HLCS: variants seen among roughly 807,000 people sequenced by gnomAD.
HLCS encodes holocarboxylase synthetase.
HLCS carries 53 observed loss-of-function variants against 75.0 expected under a neutral mutation model. That is an observed-to-expected ratio of 0.71 (90% CI 0.57 to 0.89). The LOEUF (loss-of-function observed/expected upper bound fraction) is 0.89, where lower values mean the gene tolerates loss of function less well. Among genes scored for constraint, HLCS ranks in the 40% least tolerant of loss-of-function variants. The probability of loss-of-function intolerance (pLI) is 0.00; values close to 1 mark genes in which losing one functional copy is unlikely to be tolerated. For synonymous variants in HLCS, 431 were observed against 428.6 expected, an observed-to-expected ratio of 1.01 and a Z score of -0.07; for missense variants, 966 against 1,074.0, an observed-to-expected ratio of 0.90 and a Z score of 1.41.
intron 6 of HLCS, among the ~76,000 whole-genome samples, chr21:36,817,349 C>T (rs2061692919): frequency 6.6e-6 from 1 of 152,208 alleles, no homozygotes; most frequent in Non-Finnish European, 1.5e-5. Flanking sequence ...AATGACCCTG[C>T]ATTCACCTTA....
In HLCS at chr21:36,937,549, G is replaced by A. The variant is rs530988071; in HGVS notation, c.494-157C>T. On this transcript the variant is annotated intron_variant, in intron 3 of 10. Transcript: ENST00000674895. Reference sequence around the variant, plus strand: ...TCCCACCTGCATCCCCCCTCAACTCGGGGGCATCCTTTGGAAACACTAATT... The same window carrying A: ...TCCCACCTGCATCCCCCCTCAACTCAGGGGCATCCTTTGGAAACACTAATT... 3.3e-5 allele frequency among the ~76,000 whole-genome samples: 5 copies of A among 152,168 alleles called. No individual in the cohort carries two copies. In the South Asian group the frequency reaches 6.2e-4, roughly 19 times the overall value.
chr21:36,765,801 C>G (rs1438579662), intron 7 of HLCS, among the ~76,000 whole-genome samples: 1 of 152,156 alleles, frequency 6.6e-6, no homozygotes, highest in African/African-American at 2.4e-5. Context: ...TGCCCGCCAC[C>G]ATTCCCAGGT....
chr21:36,966,708 G>A, upstream of HLCS: 1 of 748,786 alleles, frequency 1.3e-6, no homozygotes. Flanking sequence ...GCCCCGCCCC[G>A]GCCGGAAGGG....
rs139091312 is a variant in HLCS, at chr21:36,771,765, G to A, written c.1893-4480C>T. ...TATAATCCCAGCACTTTGGGAGGCC[G>A]AGACGGGCAGATCACTTGAGGTCAG... On this transcript the variant is annotated intron_variant, in intron 6 of 10. Transcript: ENST00000674895. Among the ~76,000 whole-genome samples, 198 of 152,272 alleles carry A rather than the reference G, an allele frequency of 1.3e-3. 4 individuals carry two copies. The East Asian group carries it at 0.031, about 24-fold the overall frequency.
At chr21:36,851,361 G>A (rs532455638) in intron 6 of HLCS, among the ~76,000 whole-genome samples, 5 of 152,292 alleles carry the variant, frequency 3.3e-5, no homozygotes, top group Admixed American at 6.5e-5. Flanking sequence ...AAAAGAATGC[G>A]ATATTGTCAT....
chr21:36,962,270 G>A (rs2068338165), intron 1 of HLCS, 100 bp from the exon 2 acceptor site: 1 of 787,878 alleles, frequency 1.3e-6, no homozygotes, highest in Non-Finnish European at 1.8e-6. Context: ...ATAATTCCAA[G>A]TGACATGGAA....
intron 6 of HLCS, among the ~76,000 whole-genome samples, chr21:36,809,283 C>A (rs1232191973): frequency 6.6e-6 from 1 of 151,996 alleles, no homozygotes. Flanking sequence ...TATTCCATGC[C>A]GTTCTGGTCT....
chr21:36,918,351 A>C (rs1348552853), intron 5 of HLCS, among the ~76,000 whole-genome samples: 1 of 152,238 alleles, frequency 6.6e-6, no homozygotes, highest in Non-Finnish European at 1.5e-5. Context: ...ACTGGATATA[A>C]ATAGAGGAAT....
At chr21:36,944,465 A>G (rs1414291265) in intron 2 of HLCS, among the ~76,000 whole-genome samples, 1 of 152,254 alleles carries the variant, frequency 6.6e-6, no homozygotes, top group Admixed American at 6.5e-5. Context: ...AAATTCATCA[A>G]AACACACAGA....
chr21:36,823,610 G>GGTGTGTGTGTGTGTGTGT (rs59724760), intron 6 of HLCS, among the ~76,000 whole-genome samples: 5,851 of 132,608 alleles, frequency 0.044, 186 homozygotes, highest in African/African-American at 0.071. Context: ...AAACGTGCAG[G>GGTGTGTGTGTGTGTGTGT]GTGTGTGTGT....
At chr21:36,880,052 G>A (rs2064143640) in intron 6 of HLCS, among the ~76,000 whole-genome samples, 1 of 152,184 alleles carries the variant, frequency 6.6e-6, no homozygotes, top group East Asian at 1.9e-4. Context: ...GCCTGCCAGA[G>A]TTTGGACAGA....
intron 6 of HLCS, among the ~76,000 whole-genome samples, chr21:36,886,032 C>T (rs1569145766): frequency 2.6e-5 from 4 of 151,898 alleles, no homozygotes; most frequent in Admixed American, 2.0e-4. Flanking sequence ...TCTGCAAATA[C>T]TTTCTACCCC....
intron 6 of HLCS, among the ~76,000 whole-genome samples, chr21:36,863,135 G>A (rs2063440147): frequency 6.6e-6 from 1 of 152,048 alleles, no homozygotes. Flanking sequence ...AAATATGAGT[G>A]CACATTATTC....
chr21:36,823,075 T>A (rs767910483), intron 6 of HLCS, among the ~76,000 whole-genome samples: 3 of 152,216 alleles, frequency 2.0e-5, no homozygotes, highest in African/African-American at 7.2e-5. Flanking sequence ...ATAGCCTTTT[T>A]AAATGAATCT....
rs189543725 is a variant in HLCS at position 36,768,275 on chromosome 21, G to A, written c.1893-990C>T. ...GCCAGGACAGGGATGCGGAAGGGATGGCATTTTGTAATAACATAAAGTTTC... is the reference window on the plus strand; with the variant it reads ...GCCAGGACAGGGATGCGGAAGGGATAGCATTTTGTAATAACATAAAGTTTC... On this transcript the variant is annotated intron_variant, in intron 6 of 10. Transcript: ENST00000674895. Among the ~76,000 whole-genome samples the A allele has an allele frequency of 2.0e-5, 3 of 152,122 alleles. No individual in the cohort carries two copies. In the South Asian group the frequency reaches 6.2e-4, roughly 32 times the overall value.
chr21:36,779,720 T>C (rs369375767), intron 6 of HLCS, among the ~76,000 whole-genome samples: 40 of 144,830 alleles, frequency 2.8e-4, no homozygotes, highest in East Asian at 6.0e-4. Flanking sequence ...CTTTTTTTTT[T>C]CCCCTTTACT....
chr21:36,811,970 C>T (rs766588696), intron 6 of HLCS, among the ~76,000 whole-genome samples: 13 of 152,084 alleles, frequency 8.5e-5, no homozygotes, highest in African/African-American at 3.1e-4. Context: ...GGGAAAAGCT[C>T]GCCAAGCCCC....
At chr21:36,863,124 T>C (rs1015161017) in intron 6 of HLCS, among the ~76,000 whole-genome samples, 1 of 152,068 alleles carries the variant, frequency 6.6e-6, no homozygotes, top group African/African-American at 2.4e-5. Flanking sequence ...TGTTCAGTCA[T>C]AAATATGAGT....
chr21:36,988,304 A>T (rs1324362419), intron 1 of HLCS, among the ~76,000 whole-genome samples: 1 of 152,126 alleles, frequency 6.6e-6, no homozygotes, highest in Non-Finnish European at 1.5e-5. Flanking sequence ...CACAAAAAGT[A>T]GCCTAACACA....
Sources: allele counts gnomAD v4.1 joint callset (sites outside exome capture counted in the v4.1 genomes callset), GRCh38; gene constraint gnomAD v4.1.1; transcripts MANE v1.5; gene names NCBI Gene and HGNC (gene_info 2026-07-23, HGNC 2026-07-21).